Variants in NRG1 observed in about 807,000 individuals in gnomAD.
NRG1 encodes pro-neuregulin-1, membrane-bound isoform.
A neutral mutation model predicts 63.8 loss-of-function variants in NRG1; 18 were observed. That is an observed-to-expected ratio of 0.28 (90% confidence interval 0.19 to 0.42). The LOEUF (loss-of-function observed/expected upper bound fraction) is 0.42. NRG1 is among the 10% of genes least tolerant of loss of function. The pLI, the probability that NRG1 is intolerant of heterozygous loss-of-function variation, is 1.00. For missense variants in NRG1, 762 were observed against 814.7 expected, an observed-to-expected ratio of 0.94 and a Z score of 0.79; for synonymous variants, 302 against 301.3, an observed-to-expected ratio of 1.00 and a Z score of -0.02.
chr8:32,400,690 G>A (rs1468430031), intron 1 of NRG1, among the ~76,000 whole-genome samples: 5 of 152,188 alleles, frequency 3.3e-5, no homozygotes, highest in Non-Finnish European at 5.9e-5. Context: ...CTGCTGGTGG[G>A]ACTGTAAATC....
intron 1 of NRG1, among the ~76,000 whole-genome samples, chr8:32,249,333 A>T (rs1848875139): frequency 6.6e-6 from 1 of 152,096 alleles, no homozygotes; most frequent in African/African-American, 2.4e-5. Flanking sequence ...AGACATGTAG[A>T]CATTAAAGCA....
chr8:31,894,351 C>T (rs1831386144), intron 1 of NRG1, among the ~76,000 whole-genome samples: 2 of 151,998 alleles, frequency 1.3e-5, no homozygotes, highest in Non-Finnish European at 2.9e-5. Context: ...ATCAAATACT[C>T]AGATGATATA....
chr8:32,695,579 T>C (rs1392982817), intron 5 of NRG1, among the ~76,000 whole-genome samples: 1 of 152,210 alleles, frequency 6.6e-6, no homozygotes, highest in East Asian at 1.9e-4. Flanking sequence ...TATACTGTTC[T>C]CTGTTGGATT....
chr8:32,114,687 A>G (rs77560092), intron 1 of NRG1, among the ~76,000 whole-genome samples: 3,592 of 152,260 alleles, frequency 0.024, 154 homozygotes, highest in African/African-American at 0.082. Flanking sequence ...TCAACTCTGA[A>G]GAATGGTAGA....
In NRG1 at chr8:31,716,191, C is replaced by A. The variant is rs553982329; in HGVS notation, c.37+76760C>A. 5.9e-5 allele frequency among the ~76,000 whole-genome samples: 9 copies of A among 152,302 alleles called. No homozygotes were observed. The East Asian group carries it at 1.7e-3, about 29-fold the overall frequency. ...GATTGTCCTCTGGAGCATATACTAG[C>A]ATCAGGCAGCTGCTTTATGGAACCA... On this transcript the variant is annotated intron_variant, in intron 1 of 10. Coordinates refer to the NRG1 transcript ENST00000519301.
chr8:32,678,118 T>C (rs1807662012), intron 5 of NRG1, among the ~76,000 whole-genome samples: 1 of 152,218 alleles, frequency 6.6e-6, no homozygotes, highest in African/African-American at 2.4e-5. Flanking sequence ...TATTAACTCT[T>C]TCCTGGGATG....
intron 6 of NRG1, among the ~76,000 whole-genome samples, chr8:32,729,772 CA>C (rs1323596790): frequency 1.3e-5 from 2 of 152,052 alleles, no homozygotes; most frequent in Non-Finnish European, 2.9e-5. Context: ...ACAAAAAAAG[CA>C]ACGATCGAAA....
At chr8:32,533,835 T>C (rs952300395) in intron 1 of NRG1, among the ~76,000 whole-genome samples, 1 of 152,122 alleles carries the variant, frequency 6.6e-6, no homozygotes, top group Admixed American at 6.5e-5. Context: ...ATGTCAAAAA[T>C]GCAGATAGCG....
intron 1 of NRG1, among the ~76,000 whole-genome samples, chr8:32,171,609 G>C (rs1461631970): frequency 1.3e-5 from 2 of 152,186 alleles, no homozygotes; most frequent in East Asian, 3.9e-4. Context: ...AAAGAAAGGG[G>C]TGACAGACGG....
chr8:32,415,423 CAA>C (rs5890648), intron 1 of NRG1, among the ~76,000 whole-genome samples: 19,188 of 137,440 alleles, frequency 0.14, 1,294 homozygotes, highest in South Asian at 0.2. Flanking sequence ...AAAGAGTTTG[CAA>C]AAAAAAAAAA....
intron 1 of NRG1, among the ~76,000 whole-genome samples, chr8:32,219,964 A>G (rs112310541): frequency 6.6e-6 from 1 of 152,318 alleles, no homozygotes; most frequent in African/African-American, 2.4e-5. Context: ...ATCACCAAGA[A>G]TAGAAGAGAC....
chr8:32,603,984 C>T (rs973452789), intron 2 of NRG1, among the ~76,000 whole-genome samples: 2 of 152,190 alleles, frequency 1.3e-5, no homozygotes, highest in Non-Finnish European at 2.9e-5. Context: ...GAAGAGAAAG[C>T]ATAGCCTGAT....
intron 1 of NRG1, among the ~76,000 whole-genome samples, chr8:32,301,053 C>T (rs528818429): frequency 6.6e-6 from 1 of 152,262 alleles, no homozygotes; most frequent in Admixed American, 6.5e-5. Context: ...ACAATCTAAG[C>T]ATTGAGTCTT....
At chr8:32,127,233 C>A (rs1834194749) in intron 1 of NRG1, among the ~76,000 whole-genome samples, 1 of 151,950 alleles carries the variant, frequency 6.6e-6, no homozygotes, top group Middle Eastern at 3.4e-3. Context: ...CTGAACTTGG[C>A]CTTGTGGATT....
intron 1 of NRG1, among the ~76,000 whole-genome samples, chr8:32,305,170 A>G (rs1856041505): frequency 6.6e-6 from 1 of 152,098 alleles, no homozygotes; most frequent in Non-Finnish European, 1.5e-5. Context: ...ATAAGACTGT[A>G]TTTTTTTAAA....
intron 1 of NRG1, among the ~76,000 whole-genome samples, chr8:32,420,920 A>T (rs1280457030): frequency 6.6e-6 from 1 of 151,972 alleles, no homozygotes; most frequent in Non-Finnish European, 1.5e-5. Context: ...TTCTCAGGAG[A>T]TCTGATGGTT....
intron 1 of NRG1, among the ~76,000 whole-genome samples, chr8:31,986,407 AT>A (rs1180400844): frequency 6.6e-6 from 1 of 152,066 alleles, no homozygotes; most frequent in Non-Finnish European, 1.5e-5. Flanking sequence ...TGACTCTGAA[AT>A]CTGGGTGTTA....
chr8:32,590,846 A>C (rs931115313), intron 1 of NRG1, among the ~76,000 whole-genome samples: 1 of 152,206 alleles, frequency 6.6e-6, no homozygotes, highest in South Asian at 2.1e-4. Flanking sequence ...ACATGGGCTC[A>C]AATATTAGTT....
At chr8:32,020,605 T>C (rs1196659758) in intron 1 of NRG1, among the ~76,000 whole-genome samples, 1 of 152,196 alleles carries the variant, frequency 6.6e-6, no homozygotes, top group Admixed American at 6.5e-5. Context: ...AGTGAAACCA[T>C]AGTTTGTATT....
Sources: gnomAD v4.1 joint callset for allele counts (sites outside exome capture counted in the v4.1 genomes callset) on GRCh38, gnomAD v4.1.1 for gene constraint, MANE v1.5 for transcripts, NCBI Gene and HGNC (gene_info 2026-07-23, HGNC 2026-07-21) for gene names.